The following PLPP4 variants were observed in gnomAD, a reference collection of about 807,000 sequenced individuals.
PLPP4 encodes diacylglycerol pyrophosphate like 2.
A neutral mutation model predicts 32.2 loss-of-function variants in PLPP4; 20 were observed. The observed-to-expected ratio is 0.62, with a 90% CI of 0.44 to 0.90. The LOEUF is 0.90. PLPP4 is among the 40% of genes least tolerant of loss of function. PLPP4 has a pLI of 0.00. For synonymous variants in PLPP4, 127 were observed against 133.0 expected, an observed-to-expected ratio of 0.95 and a Z score of 0.31; for missense variants, 257 against 353.1, an observed-to-expected ratio of 0.73 and a Z score of 2.18.
intron 5 of PLPP4, among the ~76,000 whole-genome samples, chr10:120,558,659 C>T (rs1223014012): frequency 4.6e-5 from 7 of 152,064 alleles, no homozygotes; most frequent in Admixed American, 1.3e-4. Flanking sequence ...TAAAGTGATC[C>T]GCCCACCTTG....
chr10:120,579,348 A>C (rs74909032), intron 6 of PLPP4, among the ~76,000 whole-genome samples: 2,582 of 152,314 alleles, frequency 0.017, 83 homozygotes, highest in African/African-American at 0.06. Flanking sequence ...GTTCCCACCC[A>C]GACTAAGGTT....
At chr10:120,574,129 TACACACACAC>T (rs751622346) in intron 5 of PLPP4, among the ~76,000 whole-genome samples, 12 of 56,916 alleles carry the variant, frequency 2.1e-4, no homozygotes, top group East Asian at 5.1e-4. Flanking sequence ...ATCTGGGGAG[TACACACACAC>T]ACACACACAC....
chr10:120,484,334 T>C (rs1310477305), intron 1 of PLPP4, among the ~76,000 whole-genome samples: 1 of 152,208 alleles, frequency 6.6e-6, no homozygotes, highest in Non-Finnish European at 1.5e-5. Context: ...TTTATGCTGC[T>C]ATAACAGAAT....
intron 5 of PLPP4, among the ~76,000 whole-genome samples, chr10:120,571,203 C>T (rs184604009): frequency 1.6e-4 from 22 of 140,690 alleles, no homozygotes; most frequent in African/African-American, 4.6e-4. Flanking sequence ...TGAATATCCT[C>T]TCATCCCACT....
chr10:120,556,413 A>T (rs879621081), intron 5 of PLPP4, among the ~76,000 whole-genome samples: 1 of 152,198 alleles, frequency 6.6e-6, no homozygotes, highest in African/African-American at 2.4e-5. Context: ...TTTAACTTAA[A>T]CTATTTCTGG....
At position 120,565,355 on chromosome 10, in the gene PLPP4, T is replaced by TGTGTGTGTGC. The variant is rs1554896518; in HGVS notation, c.446-9769_446-9768insTGCGTGTGTG. Among the ~76,000 whole-genome samples the TGTGTGTGTGC allele has an allele frequency of 2.1e-4, 28 of 132,690 alleles. 1 individual carries two copies. The highest frequency in any genetic ancestry group is 4.0e-3 in the Middle Eastern group (1 of 248). The allele number at this position is 132,690 out of a possible 152,430, so 87.0% of individuals were successfully genotyped here. A position where few individuals can be genotyped will look rare whatever the true frequency, so the allele number is the denominator to read the frequency against. On this transcript the variant is annotated intron_variant, in intron 5 of 6. Coordinates refer to ENST00000398250, the MANE Select transcript of PLPP4 (RefSeq NM_001030059.3). ...GTGTGTGTGTGTGTGTGTGTGTGTG[T>TGTGTGTGTGC]GTGTGTGCTGTATGCTCTGTGTTTT...
At chr10:120,524,910 A>AGTACTATCTATC (rs1362424267) in intron 5 of PLPP4, among the ~76,000 whole-genome samples, 11 of 151,696 alleles carry the variant, frequency 7.3e-5, no homozygotes, top group African/African-American at 2.7e-4. Flanking sequence ...TACTGATTCA[A>AGTACTATCTATC]CTTCCAGAGA....
intron 1 of PLPP4, among the ~76,000 whole-genome samples, chr10:120,459,460 C>T (rs1847944050): frequency 6.6e-6 from 1 of 152,146 alleles, no homozygotes; most frequent in Non-Finnish European, 1.5e-5. Flanking sequence ...AACAGATGAC[C>T]CTTTGTTTTC....
intron 5 of PLPP4, among the ~76,000 whole-genome samples, chr10:120,550,711 AG>A (rs568634429): frequency 1.9e-4 from 29 of 152,130 alleles, no homozygotes; most frequent in Admixed American, 5.2e-4. Context: ...GTGGGAAAAA[AG>A]TAAGCTTGAC....
At chr10:120,578,945 C>T (rs10886716) in intron 6 of PLPP4, among the ~76,000 whole-genome samples, 13,680 of 152,152 alleles carry the variant, frequency 0.09, 888 homozygotes, top group African/African-American at 0.17. Context: ...TGTTTAGCAG[C>T]GCTCAAACTT....
At chr10:120,553,717 A>G (rs1265823125) in intron 5 of PLPP4, among the ~76,000 whole-genome samples, 1 of 152,218 alleles carries the variant, frequency 6.6e-6, no homozygotes, top group African/African-American at 2.4e-5. Flanking sequence ...GCCAAGGCCT[A>G]TAGCTTGCAC....
chr10:120,528,513 T>G (rs1019258670), intron 5 of PLPP4, among the ~76,000 whole-genome samples: 1 of 152,190 alleles, frequency 6.6e-6, no homozygotes, highest in Non-Finnish European at 1.5e-5. Context: ...AAATGAAAGC[T>G]CCCAGATTCA....
chr10:120,514,814 G>A (rs577845313), intron 3 of PLPP4, among the ~76,000 whole-genome samples: 14 of 152,074 alleles, frequency 9.2e-5, no homozygotes, highest in Admixed American at 6.5e-5. Flanking sequence ...TTTTTGACAC[G>A]TCACCTAAAA....
intron 1 of PLPP4, among the ~76,000 whole-genome samples, chr10:120,463,983 A>G (rs960226407): frequency 2.0e-5 from 3 of 152,004 alleles, no homozygotes; most frequent in Admixed American, 1.3e-4. Context: ...CAGCTATTTT[A>G]TTTTTTGAAG....
In PLPP4 at chr10:120,589,540, C is replaced by T; in HGVS notation, c.*38C>T. The stretch of plus-strand genomic sequence containing the variant: ...GAGGATGGACACTAAGCCCTGGGCA[C>T]ATCTGCCACCCTGACATCATAACAC... On this transcript the variant is annotated 3_prime_UTR_variant, in exon 7 of 7. Coordinates refer to ENST00000398250, the MANE Select transcript of PLPP4 (RefSeq NM_001030059.3). 9 of 1,498,368 alleles carry T rather than the reference C, an allele frequency of 6.0e-6. No homozygotes were observed. The highest frequency in any genetic ancestry group is 7.4e-6 in the Non-Finnish European group (8 of 1,080,474). 92.8% of individuals were successfully genotyped at this position (1,498,368 alleles called of 1,614,324 possible). A position where few individuals can be genotyped will look rare whatever the true frequency, so the allele number is the denominator to read the frequency against.
intron 1 of PLPP4, among the ~76,000 whole-genome samples, chr10:120,458,172 C>T (rs1006049994): frequency 1.3e-5 from 2 of 152,180 alleles, no homozygotes; most frequent in African/African-American, 2.4e-5. Context: ...TGTCACATCT[C>T]TCTTTCAGAC....
At chr10:120,479,284 C>T (rs966557423) in intron 1 of PLPP4, among the ~76,000 whole-genome samples, 2 of 152,134 alleles carry the variant, frequency 1.3e-5, no homozygotes, top group East Asian at 1.9e-4. Flanking sequence ...CCTACTGCCA[C>T]CAGTTTTGCC....
chr10:120,461,056 G>A (rs1226479272), intron 1 of PLPP4, among the ~76,000 whole-genome samples: 1 of 152,178 alleles, frequency 6.6e-6, no homozygotes, highest in Non-Finnish European at 1.5e-5. Context: ...ATCTCCAGAA[G>A]AGCAAGTACA....
chr10:120,565,113 A>G (rs976719401), intron 5 of PLPP4, among the ~76,000 whole-genome samples: 1 of 152,122 alleles, frequency 6.6e-6, no homozygotes, highest in Admixed American at 6.5e-5. Flanking sequence ...CTGATCGATA[A>G]TATGTTCTAA....
Sources: gnomAD v4.1 joint callset for allele counts (sites outside exome capture counted in the v4.1 genomes callset) on GRCh38, gnomAD v4.1.1 for gene constraint, MANE v1.5 for transcripts, NCBI Gene and HGNC (gene_info 2026-07-23, HGNC 2026-07-21) for gene names.